ADCY10: variants seen among roughly 807,000 people sequenced by gnomAD.
ADCY10 encodes the protein adenylate cyclase type 10.
In ADCY10, 156 loss-of-function variants were observed where a neutral mutation model predicts 183.3. The ratio of observed to expected loss-of-function variants is 0.85; its 90% CI spans 0.75 to 0.97. The LOEUF is 0.97. ADCY10 is among the 50% of genes least tolerant of loss of function. ADCY10 has a pLI of 0.00. For synonymous variants in ADCY10, 645 were observed against 670.0 expected (o/e 0.96, Z 0.58); for missense variants, 1,745 against 1,934.3 (o/e 0.90, Z 1.84).
At position 167,893,906 on chromosome 1, in the gene ADCY10, G is replaced by T; in HGVS notation, c.775C>A (p.Pro259Thr). The T allele has an allele frequency of 1.9e-6, 3 of 1,613,654 alleles. No homozygotes were observed. The highest frequency in any genetic ancestry group is 1.1e-5 in the South Asian group (1 of 91,068). Residue 259 changes from proline (P) to threonine (T), a missense_variant, in exon 8 of 33, where the codon CCT becomes ACT. Transcript: ENST00000367851. ...TTTTGTAGGGACATCTCCAGTTCAG[G>T]ATCAGGCTTCAGCGTGCATGCAAGC... is the stretch of plus-strand genomic sequence containing the variant. ...LRLACTLKPD[P>T]ELEMSLQKYV...
rs373573088 is a variant in ADCY10, at chr1:167,856,280, C to G, written c.2056G>C (p.Val686Leu). The change falls in exon 17 of 33, where the codon GTA becomes CTA. Residue 686 changes from valine to leucine, a missense_variant. Physicochemically the swap from Val to Leu is conservative, Grantham distance 32. Transcript: ENST00000367851. ...TAGGTGGTGTTCCTGTTCTTTATTA[C>G]GGCCCTGGCAGCTGCACAGGGAATG... Reference protein sequence around the residue: ...VNIPCAAARAVIKNRNTTYIV... With the variant: ...VNIPCAAARALIKNRNTTYIV... 1 of 1,613,732 alleles carries G rather than the reference C, an allele frequency of 6.2e-7. No homozygotes were observed. The highest frequency in any genetic ancestry group is 2.2e-5 in the East Asian group (1 of 44,882).
chr1:167,861,064 C>T lies in ADCY10; in HGVS notation c.1617-1G>A, dbSNP rs1666249100. 4.3e-6 allele frequency: 7 copies of T among 1,613,332 alleles called. No individual in the cohort carries two copies. The highest frequency in any genetic ancestry group is 1.3e-5 in the African/African-American group (1 of 74,880). The stretch of plus-strand genomic sequence containing the variant: ...CTTATTCAATGAAATGGCAATAATC[C>T]TGTTTGTGAGAAAATCAAGAAACAG... On this transcript the variant is annotated splice_acceptor_variant, in intron 14 of 32. Transcript: ENST00000367851. LOFTEE classifies it high-confidence loss of function.
chr1:167,827,254 A>C (rs1418976248), intron 26 of ADCY10, among the ~76,000 whole-genome samples: 1 of 146,028 alleles, frequency 6.8e-6, no homozygotes, highest in East Asian at 2.0e-4. Flanking sequence ...TGCAAGCTCC[A>C]CCTCCTGGGT....
rs1242749879 is a variant in ADCY10 at position 167,896,659 on chromosome 1, A to G, written c.675T>C (p.Asn225=). Residue 225 remains asparagine, a synonymous_variant, in exon 7 of 33, where the codon AAT becomes AAC. Coordinates refer to ENST00000367851, the MANE Select transcript of ADCY10 (RefSeq NM_018417.6). ...VNFLKPPPNF[N]FDEFFTKCTT... is the part of the protein sequence containing the mutation. ...TACACTTTGTGAAAAATTCATCAAA[A>G]TTAAAATTGGGGGGTGGTTTTAAGA... is the stretch of plus-strand genomic sequence containing the variant. 5 of 1,613,474 alleles carry G rather than the reference A, an allele frequency of 3.1e-6. No homozygotes were observed. The African/African-American group carries it at 5.3e-5, about 17-fold the overall frequency.
intron 21 of ADCY10, among the ~76,000 whole-genome samples, chr1:167,839,618 A>G (rs948152709): frequency 6.6e-6 from 1 of 152,232 alleles, no homozygotes; most frequent in Non-Finnish European, 1.5e-5. Context: ...ACTGAAATTT[A>G]GACTATTTAT....
intron 22 of ADCY10, chr1:167,836,956 C>G (rs530159773): frequency 1.7e-4 from 68 of 395,064 alleles, no homozygotes; most frequent in African/African-American, 1.4e-3. Context: ...ACCCAGAAGG[C>G]GGAGGTTGCA....
intron 2 of ADCY10, 176 bp downstream of exon 2, chr1:167,904,813 TGAGA>T (rs1284583185): frequency 8.0e-6 from 6 of 751,116 alleles, no homozygotes; most frequent in Non-Finnish European, 2.3e-6. Flanking sequence ...TAAGGGAGGA[TGAGA>T]GAGAGCCAGG....
At chr1:167,867,585 A>G (rs559088190) in intron 14 of ADCY10, among the ~76,000 whole-genome samples, 2 of 152,326 alleles carry the variant, frequency 1.3e-5, no homozygotes, top group South Asian at 4.1e-4. Flanking sequence ...GATGTGTGTT[A>G]TGACCCATTT....
intron 18 of ADCY10, among the ~76,000 whole-genome samples, chr1:167,851,582 G>A (rs1226756788): frequency 2.0e-5 from 3 of 152,104 alleles, no homozygotes; most frequent in Non-Finnish European, 4.4e-5. Flanking sequence ...CAGCATTTTG[G>A]GAGGCCGAGG....
chr1:167,835,579 T>G (rs1365140126), intron 23 of ADCY10, among the ~76,000 whole-genome samples: 8 of 152,172 alleles, frequency 5.3e-5, no homozygotes, highest in Non-Finnish European at 1.2e-4. Flanking sequence ...AGAGCCTCTT[T>G]GGGGATCACA....
chr1:167,882,322 T>TA (rs1667917384), intron 9 of ADCY10, among the ~76,000 whole-genome samples: 1 of 151,810 alleles, frequency 6.6e-6, no homozygotes, highest in Admixed American at 6.6e-5. Flanking sequence ...TCATCTCTAC[T>TA]AAAAATACAA....
At chr1:167,846,441 C>T (rs761360293) in intron 19 of ADCY10, among the ~76,000 whole-genome samples, 178 bp from the exon 20 acceptor site, 2 of 152,174 alleles carry the variant, frequency 1.3e-5, no homozygotes, top group Non-Finnish European at 1.5e-5. Flanking sequence ...AGCACTTGTG[C>T]TGGGAGTACT....
chr1:167,895,551 A>C (rs2102372737), intron 7 of ADCY10, among the ~76,000 whole-genome samples: 1 of 152,322 alleles, frequency 6.6e-6, no homozygotes, highest in East Asian at 1.9e-4. Flanking sequence ...TAAGTAGCTA[A>C]AGTTCAGATA....
At chr1:167,871,067 GT>G (rs1197827115) in intron 13 of ADCY10, among the ~76,000 whole-genome samples, 1 of 150,330 alleles carries the variant, frequency 6.7e-6, no homozygotes, top group South Asian at 2.1e-4. Flanking sequence ...CCTAAAGCTT[GT>G]TTTTTTTTGT....
chr1:167,875,183 C>G lies in ADCY10; in HGVS notation c.1410G>C (p.Met470Ile). The part of the protein sequence containing the change: ...YQYWGRTEKV[M>I]FGMACLICNR... The stretch of plus-strand genomic sequence containing the variant: ...TGCAGATGAGGCACGCCATACCAAA[C>G]ATGCTGAAGAGAAGAACAAAAGAAC... The change falls in exon 13 of 33, where the codon ATG (methionine) becomes ATC (isoleucine). Residue 470 changes from methionine to isoleucine, a missense_variant. Transcript: ENST00000367851. The G allele has an allele frequency of 1.9e-6, 3 of 1,614,104 alleles. No homozygotes were observed. The highest frequency in any genetic ancestry group is 1.7e-6 in the Non-Finnish European group (2 of 1,179,960).
intron 3 of ADCY10, among the ~76,000 whole-genome samples, 155 bp downstream of exon 3, chr1:167,903,731 AC>A (rs1669604867): frequency 6.6e-6 from 1 of 152,202 alleles, no homozygotes; most frequent in African/African-American, 2.4e-5. Flanking sequence ...CTTCAGTTAT[AC>A]TATATCATAT....
At chr1:167,830,150 A>G (rs148422645) in intron 25 of ADCY10, among the ~76,000 whole-genome samples, 16 of 152,286 alleles carry the variant, frequency 1.1e-4, no homozygotes, top group African/African-American at 3.8e-4. Context: ...TGAGTGTGAG[A>G]CAATACATAA....
intron 14 of ADCY10, among the ~76,000 whole-genome samples, chr1:167,866,414 A>G (rs1666688922): frequency 6.6e-6 from 1 of 151,570 alleles, no homozygotes; most frequent in Non-Finnish European, 1.5e-5. Context: ...TGTAAATTAG[A>G]TAAATTATAT....
chr1:167,903,072 T>C (rs1478710442), intron 3 of ADCY10, among the ~76,000 whole-genome samples: 2 of 151,618 alleles, frequency 1.3e-5, no homozygotes, highest in African/African-American at 4.9e-5. Flanking sequence ...CTGGCCAACA[T>C]GGTAAAACCC....
Sources: allele counts gnomAD v4.1 joint callset (sites outside exome capture counted in the v4.1 genomes callset), GRCh38; gene constraint gnomAD v4.1.1; transcripts MANE v1.5; gene names NCBI Gene and HGNC (gene_info 2026-07-23, HGNC 2026-07-21).